Variants in PLCL1 observed in about 807,000 individuals in gnomAD.
PLCL1 encodes inactive phospholipase C-like protein 1.
In PLCL1, 41 loss-of-function variants were observed where a neutral mutation model predicts 84.4. That is an observed-to-expected ratio of 0.49 (90% CI 0.38 to 0.63). PLCL1 has a LOEUF of 0.63. PLCL1 is among the 30% of genes least tolerant of loss of function. The pLI, the probability that PLCL1 is intolerant of heterozygous loss-of-function variation, is 0.00. For missense variants in PLCL1, 1,206 were observed against 1,367.8 expected, an observed-to-expected ratio of 0.88 and a Z score of 1.87; for synonymous variants, 490 against 488.3, an observed-to-expected ratio of 1.00 and a Z score of -0.05.
At chr2:198,008,102 AT>A (rs1270087381) in intron 1 of PLCL1, among the ~76,000 whole-genome samples, 12 of 152,128 alleles carry the variant, frequency 7.9e-5, no homozygotes, top group African/African-American at 2.9e-4. Context: ...ACCTCCAGAA[AT>A]GTAAAGTTTG....
intron 1 of PLCL1, among the ~76,000 whole-genome samples, chr2:197,831,378 T>G (rs1691057054): frequency 6.6e-6 from 1 of 152,038 alleles, no homozygotes; most frequent in Non-Finnish European, 1.5e-5. Flanking sequence ...TCCTAGTCTC[T>G]GATAAAACAG....
At chr2:197,963,479 T>C (rs548198751) in intron 1 of PLCL1, among the ~76,000 whole-genome samples, 36 of 152,226 alleles carry the variant, frequency 2.4e-4, no homozygotes, top group African/African-American at 8.7e-4. Flanking sequence ...CATACTCTGG[T>C]TATTAATCCC....
Position 198,074,727 on chromosome 2 carries a change from G to A in PLCL1, c.241-9031G>A, listed in dbSNP as rs114276329. 3.3e-3 allele frequency among the ~76,000 whole-genome samples: 508 copies of A among 152,324 alleles called. 3 individuals carry two copies. The highest frequency in any genetic ancestry group is 0.011 in the African/African-American group (478 of 41,582). The stretch of plus-strand genomic sequence containing the variant: ...GTGAACTCACTACATAGGACACAAA[G>A]AGAGGTGGGAAATTTTGTCAGGAAT... On this transcript the variant is annotated intron_variant, in intron 1 of 5. Transcript: ENST00000428675.
chr2:197,817,375 CGT>C (rs146678783), intron 1 of PLCL1, among the ~76,000 whole-genome samples: 7,828 of 150,936 alleles, frequency 0.052, 266 homozygotes, highest in Non-Finnish European at 0.075. Context: ...TGCGTGTGCA[CGT>C]GTGTGTGTGT....
chr2:197,905,430 TC>T (rs1224222915), intron 1 of PLCL1, among the ~76,000 whole-genome samples: 1 of 152,224 alleles, frequency 6.6e-6, no homozygotes, highest in African/African-American at 2.4e-5. Context: ...ATGAACTCAT[TC>T]TTTTTTATGG....
chr2:197,956,247 T>A (rs193224300), intron 1 of PLCL1, among the ~76,000 whole-genome samples: 1 of 152,314 alleles, frequency 6.6e-6, no homozygotes, highest in Admixed American at 6.5e-5. Context: ...TGGTTACAAG[T>A]CTATGCTTTG....
chr2:198,112,151 T>A (rs1490814645), intron 5 of PLCL1, among the ~76,000 whole-genome samples: 2 of 152,046 alleles, frequency 1.3e-5, no homozygotes, highest in East Asian at 3.9e-4. Flanking sequence ...GTAGTCACAT[T>A]TCTCTTTGTA....
intron 5 of PLCL1, among the ~76,000 whole-genome samples, chr2:198,144,944 C>G (rs1013448293): frequency 6.6e-6 from 1 of 152,144 alleles, no homozygotes; most frequent in Non-Finnish European, 1.5e-5. Flanking sequence ...TCCAGCTCTA[C>G]CACTTAGCAG....
intron 5 of PLCL1, among the ~76,000 whole-genome samples, chr2:198,122,706 C>A (rs1433641504): frequency 6.6e-6 from 1 of 151,990 alleles, no homozygotes. Context: ...CACCATAAAG[C>A]TGGAATTAAG....
chr2:198,115,857 T>C (rs1288269614), intron 5 of PLCL1, among the ~76,000 whole-genome samples: 2 of 151,186 alleles, frequency 1.3e-5, no homozygotes, highest in Admixed American at 1.3e-4. Context: ...TGGGGATTAT[T>C]ACAATTCAAG....
chr2:198,141,398 A>G (rs371566406), intron 5 of PLCL1, among the ~76,000 whole-genome samples: 1 of 152,038 alleles, frequency 6.6e-6, no homozygotes, highest in African/African-American at 2.4e-5. Context: ...CCTTCATTCT[A>G]GAGAGCAAGA....
intron 4 of PLCL1, among the ~76,000 whole-genome samples, chr2:198,102,172 C>T (rs1031198481): frequency 6.6e-6 from 1 of 152,054 alleles, no homozygotes; most frequent in Non-Finnish European, 1.5e-5. Context: ...GGCTGACCAG[C>T]AGGCTTAGAT....
intron 1 of PLCL1, among the ~76,000 whole-genome samples, chr2:198,009,456 G>A (rs1402735358): frequency 1.3e-5 from 2 of 151,908 alleles, no homozygotes; most frequent in African/African-American, 4.8e-5. Context: ...TTTCTCTGTT[G>A]TGTGGTCTTG....
intron 1 of PLCL1, among the ~76,000 whole-genome samples, chr2:198,011,387 G>A (rs1255323149): frequency 2.6e-5 from 4 of 151,850 alleles, no homozygotes; most frequent in African/African-American, 2.4e-5. Context: ...GTTTATGAGT[G>A]CATTGTTTAA....
intron 1 of PLCL1, among the ~76,000 whole-genome samples, chr2:197,961,259 G>C (rs1451473553): frequency 6.6e-6 from 1 of 151,880 alleles, no homozygotes; most frequent in Non-Finnish European, 1.5e-5. Context: ...GAGAGAGAGA[G>C]AGAGAGAGCG....
chr2:197,936,957 A>C (rs1405450628), intron 1 of PLCL1, among the ~76,000 whole-genome samples: 1 of 152,042 alleles, frequency 6.6e-6, no homozygotes, highest in Non-Finnish European at 1.5e-5. Context: ...TTGCTTTTTG[A>C]ATTTGGTGTG....
At chr2:197,997,823 G>A (rs1690503152) in intron 1 of PLCL1, among the ~76,000 whole-genome samples, 1 of 152,128 alleles carries the variant, frequency 6.6e-6, no homozygotes, top group African/African-American at 2.4e-5. Flanking sequence ...CATTTTAGGA[G>A]CTGCAAAAAG....
rs565823280 is a variant in PLCL1, at chr2:197,977,004, C to T, written c.241-106754C>T. On this transcript the variant is annotated intron_variant, in intron 1 of 5. Coordinates refer to ENST00000428675, the MANE Select transcript of PLCL1 (RefSeq NM_006226.4). ...TACTCATGTGGACCGTTTGGTCTGCCATTTGAGCTCAGTTTTTGATAGTTC... is the reference window on the plus strand; with the variant it reads ...TACTCATGTGGACCGTTTGGTCTGCTATTTGAGCTCAGTTTTTGATAGTTC... Among the ~76,000 whole-genome samples, 155 of 152,242 alleles carry T rather than the reference C, an allele frequency of 1.0e-3. 1 individual carries two copies. The highest frequency in any genetic ancestry group is 3.7e-3 in the African/African-American group (152 of 41,530).
At chr2:198,142,977 A>G (rs1694424380) in intron 5 of PLCL1, among the ~76,000 whole-genome samples, 1 of 152,130 alleles carries the variant, frequency 6.6e-6, no homozygotes, top group Non-Finnish European at 1.5e-5. Flanking sequence ...ATTTTAGTAT[A>G]CAAGAGGTGT....
Sources: allele counts gnomAD v4.1 joint callset (sites outside exome capture counted in the v4.1 genomes callset), GRCh38; gene constraint gnomAD v4.1.1; transcripts MANE v1.5; gene names NCBI Gene and HGNC (gene_info 2026-07-23, HGNC 2026-07-21).